Variants in EPAS1 observed in about 807,000 individuals in gnomAD.
EPAS1 encodes the protein endothelial PAS domain protein 1.
In EPAS1, 23 loss-of-function variants were observed where a neutral mutation model predicts 87.9. The observed-to-expected ratio is 0.26, with a 90% confidence interval of 0.19 to 0.37. The LOEUF (loss-of-function observed/expected upper bound fraction) is 0.37. EPAS1 is among the 10% of genes least tolerant of loss of function. The pLI is 1.00. For missense variants in EPAS1, 1,138 were observed against 1,120.7 expected (o/e 1.02, Z -0.22); for synonymous variants, 508 against 444.3 (o/e 1.14, Z -1.80).
chr2:46,380,389 C>T lies in EPAS1; in HGVS notation c.1717C>T (p.Pro573Ser), dbSNP rs1449891986. The T allele has an allele frequency of 1.9e-6, 3 of 1,614,106 alleles. No individual in the cohort carries two copies. The highest frequency in any genetic ancestry group is 2.5e-6 in the Non-Finnish European group (3 of 1,180,044). ...CFSAMTNIFQPLAPVAPHSPF... is the reference protein window; with the variant it reads ...CFSAMTNIFQSLAPVAPHSPF... ...CAGTGCCATGACAAACATCTTCCAG[C>T]CACTGGCCCCTGTAGCCCCGCACAG... Residue 573 changes from proline to serine, a missense_variant, in exon 12 of 16, where the codon CCA becomes TCA. Physicochemically the swap from Pro to Ser is moderately conservative, Grantham distance 74. This residue lies in a region of EPAS1 where 502 missense variants were observed against 427.1 expected (regional missense o/e 1.18). Transcript: ENST00000263734. The surrounding 1 kb of genome is among the most constrained non-coding windows in gnomAD (Gnocchi z 4.4).
intron 1 of EPAS1, among the ~76,000 whole-genome samples, chr2:46,332,072 C>T (rs549701997): frequency 1.3e-5 from 2 of 152,316 alleles, no homozygotes; most frequent in African/African-American, 2.4e-5. Flanking sequence ...GCCCTGTCTT[C>T]AGCTGCCAGG....
chr2:46,335,623 A>C (rs1683774312), intron 1 of EPAS1: 1 of 151,734 alleles, frequency 6.6e-6, no homozygotes, highest in Non-Finnish European at 1.5e-5. Context: ...CTCCCTGTAA[A>C]TTTGAGGGTT....
chr2:46,356,381 A>C, intron 3 of EPAS1, 79 bp downstream of exon 3: 1 of 1,573,736 alleles, frequency 6.4e-7, no homozygotes, highest in South Asian at 1.1e-5. Flanking sequence ...TGCTAGCCAC[A>C]ATCCCACTTG....
At chr2:46,362,218 T>A (rs1684408580) in intron 6 of EPAS1, among the ~76,000 whole-genome samples, 1 of 152,194 alleles carries the variant, frequency 6.6e-6, no homozygotes, top group Non-Finnish European at 1.5e-5. Flanking sequence ...TCTTCTAGGG[T>A]TTCTCCTCAG....
intron 1 of EPAS1, among the ~76,000 whole-genome samples, chr2:46,332,183 C>T (rs115194847): frequency 4.0e-5 from 6 of 151,258 alleles, no homozygotes; most frequent in South Asian, 2.1e-4. Flanking sequence ...GGTTAAGTGC[C>T]AAGTTTTGAC....
chr2:46,353,776 G>A (rs1381073942), intron 2 of EPAS1, among the ~76,000 whole-genome samples: 1 of 152,222 alleles, frequency 6.6e-6, no homozygotes, highest in Non-Finnish European at 1.5e-5. Context: ...TGTGTATGGT[G>A]TAAGGTCATT....
intron 6 of EPAS1, 30 bp downstream of exon 6, chr2:46,361,120 G>A (rs897309731): frequency 1.2e-6 from 2 of 1,608,650 alleles, no homozygotes; most frequent in Non-Finnish European, 1.7e-6. Context: ...TATGCTGTGG[G>A]CAGAGATGGG....
At chr2:46,363,145 C>CA (rs2103641532) in intron 6 of EPAS1, among the ~76,000 whole-genome samples, 2 of 152,342 alleles carry the variant, frequency 1.3e-5, no homozygotes, top group Admixed American at 1.3e-4. Flanking sequence ...GGGCAGAAGA[C>CA]ACAGCTTTGT....
intron 1 of EPAS1, among the ~76,000 whole-genome samples, chr2:46,337,553 A>G (rs1683818422): frequency 6.6e-6 from 1 of 152,140 alleles, no homozygotes; most frequent in South Asian, 2.1e-4. Context: ...TCTTGATTCA[A>G]CCGCCGTGCA....
chr2:46,358,076 T>G (rs1209983999), intron 4 of EPAS1, among the ~76,000 whole-genome samples: 2 of 152,230 alleles, frequency 1.3e-5, no homozygotes, highest in African/African-American at 4.8e-5. Flanking sequence ...CCAGCCTGAA[T>G]AACAGAGGCA....
In EPAS1 at chr2:46,346,551, A is replaced by T. The variant is rs967965927; in HGVS notation, c.27-322A>T. On this transcript the variant is annotated intron_variant, in intron 1 of 15. Coordinates refer to ENST00000263734, the MANE Select transcript of EPAS1 (RefSeq NM_001430.5). This position sits in a 1 kb window ranked among gnomAD's most constrained non-coding sequence, Gnocchi z 4.0. ...CCTGGACATTCACCCCTATCCCCAG[A>T]TATTCCAGGGCTAGGTCCCAGGCAT... 5.3e-5 allele frequency among the ~76,000 whole-genome samples: 8 copies of T among 152,198 alleles called. No individual in the cohort carries two copies. Among genetic ancestry groups the T allele is most frequent in the African/African-American group, 1.9e-4 (8 of 41,452 alleles).
chr2:46,321,381 G>C (rs557926790), intron 1 of EPAS1, among the ~76,000 whole-genome samples: 1 of 152,230 alleles, frequency 6.6e-6, no homozygotes, highest in South Asian at 2.1e-4. Flanking sequence ...TTTGGATATA[G>C]ACCTAGAAGT....
At chr2:46,372,175 G>T (rs1684639976) in intron 7 of EPAS1, among the ~76,000 whole-genome samples, 1 of 152,202 alleles carries the variant, frequency 6.6e-6, no homozygotes, top group Non-Finnish European at 1.5e-5. Context: ...ATGGAGCCAA[G>T]TAAAGCTGCC....
rs1187134832 is a variant in EPAS1, at chr2:46,380,295, G to C, written c.1623G>C (p.Gln541His). The C allele has an allele frequency of 6.2e-7, 1 of 1,613,956 alleles. No individual in the cohort carries two copies. Among genetic ancestry groups the C allele is most frequent in the African/African-American group, 1.3e-5 (1 of 74,900 alleles). Residue 541 changes from glutamine to histidine, a missense_variant, in exon 12 of 16, where the codon CAG becomes CAC. Transcript: ENST00000263734. The surrounding 1 kb of genome is among the most constrained non-coding windows in gnomAD (Gnocchi z 4.4). Reference protein sequence around the residue: ...PYIPMDGEDFQLSPICPEERL... With the variant: ...PYIPMDGEDFHLSPICPEERL... ...TCCCCATGGACGGGGAAGACTTCCA[G>C]CTAAGCCCCATCTGCCCCGAGGAGC...
intron 2 of EPAS1, among the ~76,000 whole-genome samples, chr2:46,351,663 G>A (rs565999386): frequency 1.2e-4 from 19 of 152,306 alleles, no homozygotes; most frequent in Admixed American, 4.6e-4. Context: ...TCACAAAGTG[G>A]TAACTGCCAA....
At position 46,369,895 on chromosome 2, in the gene EPAS1, C is replaced by G; in HGVS notation, c.848C>G (p.Ala283Gly). 1 of 1,612,590 alleles carries G rather than the reference C, an allele frequency of 6.2e-7. No individual in the cohort carries two copies. The highest frequency in any genetic ancestry group is 8.5e-7 in the Non-Finnish European group (1 of 1,179,324). Residue 283 changes from alanine to glycine, a missense_variant, in exon 7 of 16, where the codon GCG becomes GGG. Ala to Gly is a moderately conservative substitution (Grantham distance 60). Coordinates refer to ENST00000263734, the MANE Select transcript of EPAS1 (RefSeq NM_001430.5). ...LGRSAYEFYH[A>G]LDSENMTKSH... ...CGCTCAGCCTATGAATTCTACCATGCGCTAGACTCCGAGAACATGACCAAG... is the reference window on the plus strand; with the variant it reads ...CGCTCAGCCTATGAATTCTACCATGGGCTAGACTCCGAGAACATGACCAAG...
chr2:46,384,643 C>A lies in EPAS1; in HGVS notation c.2596C>A (p.Leu866Met). 3.1e-6 allele frequency: 5 copies of A among 1,613,830 alleles called. No homozygotes were observed. The highest frequency in any genetic ancestry group is 4.2e-6 in the Non-Finnish European group (5 of 1,179,998). ...GCAAGGAGGGGACCTCCTCAGAGCCCTGGACCAGGCCACCTGAGCCAGGCC... is the reference window on the plus strand; with the variant it reads ...GCAAGGAGGGGACCTCCTCAGAGCCATGGACCAGGCCACCTGAGCCAGGCC... The part of the protein sequence containing the change: ...LLQGGDLLRA[L>M]DQAT The change falls in exon 16 of 16, where the codon CTG becomes ATG. Residue 866 changes from leucine to methionine, a missense_variant. Coordinates refer to ENST00000263734, the MANE Select transcript of EPAS1 (RefSeq NM_001430.5).
chr2:46,376,472 G>A, intron 8 of EPAS1, 67 bp from the exon 9 acceptor site: 2 of 1,505,680 alleles, frequency 1.3e-6, no homozygotes, highest in Non-Finnish European at 1.8e-6. Context: ...GGGTTTCCAT[G>A]CATCTAGGGG....
intron 1 of EPAS1, among the ~76,000 whole-genome samples, chr2:46,309,196 C>T (rs901713574): frequency 6.6e-6 from 1 of 152,224 alleles, no homozygotes; most frequent in Non-Finnish European, 1.5e-5. Flanking sequence ...AACTTATCCT[C>T]ATTGCTTATC....
Sources: gnomAD v4.1 joint callset for allele counts (sites outside exome capture counted in the v4.1 genomes callset) on GRCh38, gnomAD v4.1.1 for gene constraint, gnomAD v4.1.1 regional missense constraint, Gnocchi (gnomAD v3.1) non-coding constraint, MANE v1.5 for transcripts, NCBI Gene and HGNC (gene_info 2026-07-23, HGNC 2026-07-21) for gene names.